Variants in CHST4 observed in about 807,000 individuals in gnomAD.
The protein encoded by CHST4 is GST-3.
For missense variants in CHST4, 466 were observed against 506.0 expected (o/e 0.92, Z 0.76); for synonymous variants, 171 against 195.5 (o/e 0.87, Z 1.05).
chr16:71,533,371 A>G (rs1484539709), intron 1 of CHST4, among the ~76,000 whole-genome samples: 3 of 150,784 alleles, frequency 2.0e-5, no homozygotes, highest in South Asian at 4.3e-4. Context: ...GTTTCAGTCA[A>G]CCGAGATCGC....
In CHST4 at chr16:71,536,972, C is replaced by A; in HGVS notation, c.295C>A (p.Arg99=). The A allele has an allele frequency of 6.2e-7, 1 of 1,613,908 alleles. No individual in the cohort carries two copies. The highest frequency in any genetic ancestry group is 8.5e-7 in the Non-Finnish European group (1 of 1,179,898). The change falls in exon 2 of 2, where the codon CGG becomes AGG. Residue 99 remains arginine, a synonymous_variant. Transcript: ENST00000539698. ...MLHMAVRDLI[R]AVFLCDMSVF... The stretch of plus-strand genomic sequence containing the variant: ...GCACATGGCTGTGCGGGATCTGATA[C>A]GGGCCGTCTTCTTGTGCGACATGAG...
Position 71,538,220 on chromosome 16 carries a change from C to T in CHST4, c.*382C>T, listed in dbSNP as rs923987527. ...TGCCCAATGGGGAATGGATCTTTCA[C>T]CAAAGAGCTCACCAGCATTTTCCAC... On this transcript the variant is annotated 3_prime_UTR_variant, in exon 2 of 2. Transcript: ENST00000539698. 2 of 198,260 alleles carry T rather than the reference C, an allele frequency of 1.0e-5. No homozygotes were observed. Among genetic ancestry groups the T allele is most frequent in the Non-Finnish European group, 2.3e-5 (2 of 88,118 alleles). 12.3% of individuals were successfully genotyped at this position (198,260 alleles called of 1,614,324 possible).
intron 1 of CHST4, among the ~76,000 whole-genome samples, chr16:71,529,482 G>A (rs564485250): frequency 6.8e-6 from 1 of 146,644 alleles, no homozygotes; most frequent in Non-Finnish European, 1.5e-5. Flanking sequence ...TCATTCTCTT[G>A]AAGGAGCTCC....
chr16:71,533,445 A>C (rs572599640), intron 1 of CHST4, among the ~76,000 whole-genome samples: 72 of 149,670 alleles, frequency 4.8e-4, no homozygotes, highest in African/African-American at 1.6e-3. Flanking sequence ...AAAAAAACAA[A>C]AAAAAAAACG....
chr16:71,530,922 A>C (rs1425430234), intron 1 of CHST4, among the ~76,000 whole-genome samples: 3 of 152,114 alleles, frequency 2.0e-5, no homozygotes, highest in Admixed American at 6.5e-5. Flanking sequence ...CTCTACTAAA[A>C]ACACAAAAAT....
rs1162589802 is a variant in CHST4 at position 71,537,410 on chromosome 16, G to A, written c.733G>A (p.Val245Met). Reference protein sequence around the residue: ...KLKKEDQPYYVMQVICQSQLE... With the variant: ...KLKKEDQPYYMMQVICQSQLE... ...CAAGAAGGAGGACCAACCCTACTAT[G>A]TGATGCAGGTCATCTGCCAAAGCCA... The change falls in exon 2 of 2, where the codon GTG becomes ATG. Residue 245 changes from valine to methionine, a missense_variant. Physicochemically the swap from Val to Met is conservative, Grantham distance 21. Coordinates refer to ENST00000539698, the MANE Select transcript of CHST4 (RefSeq NM_001166395.2). This position sits in a 1 kb window ranked among gnomAD's most constrained non-coding sequence, Gnocchi z 4.2. The A allele has an allele frequency of 4.3e-6, 7 of 1,614,062 alleles. No individual in the cohort carries two copies. The highest frequency in any genetic ancestry group is 1.6e-4 in the Middle Eastern group (1 of 6,084).
At chr16:71,529,059 A>G (rs764848845) in intron 1 of CHST4, among the ~76,000 whole-genome samples, 17 of 149,468 alleles carry the variant, frequency 1.1e-4, no homozygotes, top group Admixed American at 3.3e-4. Flanking sequence ...TGGGGTGGTG[A>G]TGATGGAATG....
chr16:71,530,933 T>C (rs2043944054), intron 1 of CHST4, among the ~76,000 whole-genome samples: 2 of 151,556 alleles, frequency 1.3e-5, no homozygotes, highest in African/African-American at 4.9e-5. Context: ...ACACAAAAAT[T>C]AGCTGGGCAC....
At chr16:71,527,633 C>T (rs2043918260) in intron 1 of CHST4, among the ~76,000 whole-genome samples, 1 of 152,016 alleles carries the variant, frequency 6.6e-6, no homozygotes, top group East Asian at 1.9e-4. Flanking sequence ...ACCTGTAATC[C>T]CAGCTACTCA....
At chr16:71,535,081 C>T (rs1284864649) in intron 1 of CHST4, among the ~76,000 whole-genome samples, 4 of 152,136 alleles carry the variant, frequency 2.6e-5, no homozygotes, top group South Asian at 2.1e-4. Flanking sequence ...TGAGACAGTA[C>T]GAATCACAAA....
chr16:71,528,628 T>C (rs2043924954), intron 1 of CHST4, among the ~76,000 whole-genome samples: 1 of 152,124 alleles, frequency 6.6e-6, no homozygotes, highest in African/African-American at 2.4e-5. Flanking sequence ...TCCAACCCCA[T>C]TCTCTCTCTC....
At position 71,538,217 on chromosome 16, in the gene CHST4, T is replaced by C. The variant is rs2044008529; in HGVS notation, c.*379T>C. 5.0e-6 allele frequency: 1 copy of C among 201,764 alleles called. No individual in the cohort carries two copies. Among genetic ancestry groups the C allele is most frequent in the Non-Finnish European group, 1.1e-5 (1 of 90,362 alleles). 12.5% of individuals were successfully genotyped at this position (201,764 alleles called of 1,614,324 possible). On this transcript the variant is annotated 3_prime_UTR_variant, in exon 2 of 2. Transcript: ENST00000539698. The stretch of plus-strand genomic sequence containing the variant: ...TCTTGCCCAATGGGGAATGGATCTT[T>C]CACCAAAGAGCTCACCAGCATTTTC...
chr16:71,533,511 T>G (rs1035651075), intron 1 of CHST4, among the ~76,000 whole-genome samples: 1 of 151,388 alleles, frequency 6.6e-6, no homozygotes, highest in African/African-American at 2.4e-5. Context: ...GTGCTGGAAG[T>G]AGACTTTTCA....
Position 71,537,790 on chromosome 16 carries a change from G to A in CHST4, c.1113G>A (p.Leu371=). 1.2e-6 allele frequency: 2 copies of A among 1,614,148 alleles called. No homozygotes were observed. Among genetic ancestry groups the A allele is most frequent in the Non-Finnish European group, 8.5e-7 (1 of 1,180,034 alleles). The change falls in exon 2 of 2, where the codon CTG becomes CTA. Residue 371 remains leucine, a synonymous_variant. Transcript: ENST00000539698. This position sits in a 1 kb window ranked among gnomAD's most constrained non-coding sequence, Gnocchi z 4.2. ...GATCTGAACAAGAACAGAGAAACCT[G>A]TTGCTGGATCTTCTGTCTACCTGGA... ...HVRSEQEQRN[L]LLDLLSTWTV...
intron 1 of CHST4, among the ~76,000 whole-genome samples, chr16:71,530,451 A>G (rs2043939633): frequency 6.6e-6 from 1 of 152,102 alleles, no homozygotes; most frequent in African/African-American, 2.4e-5. Flanking sequence ...TTAAGCAGGA[A>G]GTTGATAGAC....
chr16:71,528,429 T>C (rs558582534), intron 1 of CHST4, among the ~76,000 whole-genome samples: 3 of 152,226 alleles, frequency 2.0e-5, no homozygotes, highest in African/African-American at 7.2e-5. Flanking sequence ...TTGAAAGATG[T>C]TCCTTGAGCA....
At chr16:71,527,071 T>G (rs181840926) in intron 1 of CHST4, among the ~76,000 whole-genome samples, 44 of 152,348 alleles carry the variant, frequency 2.9e-4, no homozygotes, top group Admixed American at 3.3e-4. Flanking sequence ...GTCTAAAATA[T>G]CTAACCGATC....
chr16:71,533,114 T>C (rs898145831), intron 1 of CHST4, among the ~76,000 whole-genome samples: 5 of 151,682 alleles, frequency 3.3e-5, no homozygotes, highest in Admixed American at 6.6e-5. Context: ...ATAAAGCAAC[T>C]GAAAAGACAC....
At chr16:71,528,276 T>G (rs994883749) in intron 1 of CHST4, among the ~76,000 whole-genome samples, 5 of 149,332 alleles carry the variant, frequency 3.3e-5, no homozygotes, top group African/African-American at 1.2e-4. Context: ...AAAAGAGTCC[T>G]GGCTGAGGAG....
Sources: gnomAD v4.1 joint callset for allele counts (sites outside exome capture counted in the v4.1 genomes callset) on GRCh38, gnomAD v4.1.1 for gene constraint, Gnocchi (gnomAD v3.1) non-coding constraint, MANE v1.5 for transcripts, NCBI Gene and HGNC (gene_info 2026-07-23, HGNC 2026-07-21) for gene names.